The following SHANK2 variants were observed in gnomAD, a reference collection of about 807,000 sequenced individuals.
SHANK2 encodes SH3 and multiple ankyrin repeat domains 2, also known as SH3 and multiple ankyrin repeat domains protein 2.
SHANK2 carries 43 observed loss-of-function variants against 133.7 expected under a neutral mutation model. The observed-to-expected ratio is 0.32, with a 90% CI of 0.25 to 0.41. The LOEUF is 0.41. Among genes scored for constraint, SHANK2 ranks in the 10% least tolerant of loss-of-function variants. The pLI is 1.00. For synonymous variants in SHANK2, 1,017 were observed against 952.8 expected, an observed-to-expected ratio of 1.07 and a Z score of -1.24; for missense variants, 1,994 against 2,235.8, an observed-to-expected ratio of 0.89 and a Z score of 2.18.
intron 9 of SHANK2, among the ~76,000 whole-genome samples, chr11:71,069,986 A>C (rs1951122007): frequency 6.6e-6 from 1 of 152,208 alleles, no homozygotes; most frequent in African/African-American, 2.4e-5. Context: ...TGCCTCATAC[A>C]TGTGTAGACA....
In SHANK2 at chr11:70,913,360, G is replaced by T. The variant is rs536857525; in HGVS notation, c.1108-16793C>A. Among the ~76,000 whole-genome samples the T allele has an allele frequency of 8.5e-5, 13 of 152,158 alleles. No individual in the cohort carries two copies. In the South Asian group the frequency reaches 2.3e-3, roughly 27 times the overall value. ...GTGCTAAAATGGATGGGAGGTATGA[G>T]AATTAAATTCAACACAATTAAATAA... On this transcript the variant is annotated intron_variant, in intron 10 of 25. Transcript: ENST00000601538.
At chr11:71,113,121 C>T (rs1345743818) in intron 5 of SHANK2, among the ~76,000 whole-genome samples, 172 bp downstream of exon 5, 2 of 152,210 alleles carry the variant, frequency 1.3e-5, no homozygotes, top group Non-Finnish European at 2.9e-5. Context: ...GGGTGGGTCT[C>T]CGCAGTGTGC....
chr11:71,059,289 C>T (rs1950959418), intron 9 of SHANK2, among the ~76,000 whole-genome samples: 1 of 152,018 alleles, frequency 6.6e-6, no homozygotes, highest in Admixed American at 6.6e-5. Flanking sequence ...GGAGCAGCTG[C>T]CAACAGGTCC....
chr11:70,782,006 G>T (rs950795060), intron 14 of SHANK2, among the ~76,000 whole-genome samples: 5 of 151,982 alleles, frequency 3.3e-5, no homozygotes, highest in African/African-American at 1.2e-4. Flanking sequence ...GCAAACTATC[G>T]CAAGGACAAA....
chr11:70,710,467 C>T (rs1055302858), intron 14 of SHANK2, among the ~76,000 whole-genome samples: 3 of 152,168 alleles, frequency 2.0e-5, no homozygotes, highest in Admixed American at 1.3e-4. Context: ...CATATGAGGC[C>T]GGCGAGGGAG....
At chr11:70,627,793 C>A (rs1213664074) in intron 17 of SHANK2, among the ~76,000 whole-genome samples, 1 of 152,086 alleles carries the variant, frequency 6.6e-6, no homozygotes, top group African/African-American at 2.4e-5. Context: ...TGGGACTTAC[C>A]CCATGAGGTC....
intron 17 of SHANK2, among the ~76,000 whole-genome samples, chr11:70,538,657 C>T (rs1202971219): frequency 6.6e-6 from 1 of 152,324 alleles, no homozygotes; most frequent in South Asian, 2.1e-4. Flanking sequence ...CACTCTTGCT[C>T]CGTCAGTGGT....
intron 11 of SHANK2, among the ~76,000 whole-genome samples, chr11:70,891,748 C>A (rs1433626600): frequency 7.2e-5 from 11 of 152,148 alleles, no homozygotes; most frequent in Admixed American, 7.2e-4. Context: ...GAGGGCCAGG[C>A]TGCACCTCCC....
chr11:70,636,303 GCA>G lies in SHANK2; in HGVS notation c.2061+23523_2061+23524del, dbSNP rs2061081324. Among the ~76,000 whole-genome samples, 6 of 152,298 alleles carry G rather than the reference GCA, an allele frequency of 3.9e-5. No individual in the cohort carries two copies. In the South Asian group the frequency reaches 1.2e-3, roughly 32 times the overall value. On this transcript the variant is annotated intron_variant, in intron 17 of 25. Coordinates refer to ENST00000601538, the MANE Select transcript of SHANK2 (RefSeq NM_012309.5). The stretch of plus-strand genomic sequence containing the variant: ...TGTACATGTATGAGTATGTGTGTGA[GCA>G]GATGTGTGAGCGTGTGAATGTTAGC...
intron 14 of SHANK2, among the ~76,000 whole-genome samples, chr11:70,791,425 A>G (rs1947783930): frequency 6.6e-6 from 1 of 152,218 alleles, no homozygotes; most frequent in South Asian, 2.1e-4. Flanking sequence ...CATATGTGGC[A>G]CTTAGCTCTC....
intron 10 of SHANK2, chr11:70,943,852 G>A (rs1279514450): frequency 3.6e-5 from 16 of 444,416 alleles, no homozygotes; most frequent in Middle Eastern, 3.3e-4. Context: ...CACATCCCAC[G>A]CCACAGTGCT....
intron 10 of SHANK2, among the ~76,000 whole-genome samples, chr11:70,937,781 C>T (rs1950592009): frequency 6.6e-6 from 1 of 151,834 alleles, no homozygotes; most frequent in South Asian, 2.1e-4. Context: ...TCCCTGTTTA[C>T]TCAGGAACCG....
intron 10 of SHANK2, among the ~76,000 whole-genome samples, chr11:70,945,687 G>A (rs188103594): frequency 6.6e-6 from 1 of 152,314 alleles, no homozygotes; most frequent in Non-Finnish European, 1.5e-5. Context: ...TTGACCTCAG[G>A]TGGCTTTGCT....
Position 70,780,172 on chromosome 11 carries a change from G to C in SHANK2, c.1777+18271C>G, listed in dbSNP as rs115617175. Among the ~76,000 whole-genome samples the C allele has an allele frequency of 4.7e-3, 711 of 152,278 alleles. 6 individuals carry two copies. Among genetic ancestry groups the C allele is most frequent in the African/African-American group, 0.017 (692 of 41,552 alleles). The stretch of plus-strand genomic sequence containing the variant: ...TATGCCTGATGCCAGACAATTTTAG[G>C]CTTCTCCATTGTGTACACTAATAAA... On this transcript the variant is annotated intron_variant, in intron 14 of 25. Transcript: ENST00000601538.
chr11:70,637,678 G>A (rs1398685169), intron 17 of SHANK2, among the ~76,000 whole-genome samples: 1 of 152,242 alleles, frequency 6.6e-6, no homozygotes, highest in African/African-American at 2.4e-5. Flanking sequence ...CTGGCGCCCT[G>A]GCGAGGGGAG....
chr11:70,663,511 C>G (rs1417249370), intron 15 of SHANK2, among the ~76,000 whole-genome samples: 1 of 152,196 alleles, frequency 6.6e-6, no homozygotes, highest in Non-Finnish European at 1.5e-5. Context: ...CCACCCCCGA[C>G]AGCATCAGAG....
chr11:70,480,091 C>G (rs940843410), intron 25 of SHANK2, among the ~76,000 whole-genome samples: 2 of 152,186 alleles, frequency 1.3e-5, no homozygotes, highest in Non-Finnish European at 2.9e-5. Context: ...TGAAGGCAGC[C>G]ATATCTGGAA....
chr11:70,494,272 A>T (rs2058937593), intron 21 of SHANK2, among the ~76,000 whole-genome samples: 1 of 152,184 alleles, frequency 6.6e-6, no homozygotes. Flanking sequence ...CCCTTGGGCC[A>T]GTCCTGCCCC....
chr11:71,166,473 C>CTTTTTTTTTTTTTTTTT (rs1322143159), intron 2 of SHANK2, among the ~76,000 whole-genome samples: 2 of 131,384 alleles, frequency 1.5e-5, no homozygotes, highest in African/African-American at 2.9e-5. Context: ...ATCCACACGT[C>CTTTTTTTTTTTTTTTTT]TTTTTTTTCT....
Sources: allele counts gnomAD v4.1 joint callset (sites outside exome capture counted in the v4.1 genomes callset), GRCh38; gene constraint gnomAD v4.1.1; transcripts MANE v1.5; gene names NCBI Gene and HGNC (gene_info 2026-07-23, HGNC 2026-07-21).